ZNF407: variants seen among roughly 807,000 people sequenced by gnomAD.
ZNF407 encodes zinc finger protein 407.
Under a neutral mutation model 131.2 loss-of-function variants are expected in ZNF407, and 17 were observed. That is an observed-to-expected ratio of 0.13 (90% CI 0.09 to 0.19). The LOEUF is 0.19. Ranked by LOEUF, ZNF407 falls within the 10% of genes least tolerant of loss-of-function variation. The pLI is 1.00. For missense variants in ZNF407, 2,681 were observed against 2,830.6 expected (o/e 0.95, Z 1.20); for synonymous variants, 1,156 against 1,062.0 (o/e 1.09, Z -1.72).
chr18:74,849,769 T>C (rs992349781), intron 4 of ZNF407, among the ~76,000 whole-genome samples: 8 of 152,186 alleles, frequency 5.3e-5, no homozygotes, highest in African/African-American at 1.9e-4. Flanking sequence ...AGGAAATGAG[T>C]GCCAGCTTCA....
chr18:75,063,064 GC>G lies in ZNF407; in HGVS notation c.5429-84del. The G allele has an allele frequency of 7.8e-7, 1 of 1,274,652 alleles. No homozygotes were observed. The highest frequency in any genetic ancestry group is 1.1e-6 in the Non-Finnish European group (1 of 914,990). The allele number at this position is 1,274,652 out of a possible 1,614,324, so 79.0% of individuals were successfully genotyped here. A position where few individuals can be genotyped will look rare whatever the true frequency, so the allele number is the denominator to read the frequency against. Reference sequence around the variant, plus strand: ...AGGGGGTCGTGGTGACTCTGCTGAGGCCTGAGCGCTTCTGCAGAAGAAGTGT... The same window carrying G: ...AGGGGGTCGTGGTGACTCTGCTGAGGCTGAGCGCTTCTGCAGAAGAAGTGT... On this transcript the variant is annotated intron_variant, in intron 8 of 8. Transcript: ENST00000299687. This position sits in a 1 kb window ranked among gnomAD's most constrained non-coding sequence, Gnocchi z 6.6.
chr18:74,842,389 A>G (rs1970646146), intron 4 of ZNF407, among the ~76,000 whole-genome samples: 1 of 152,218 alleles, frequency 6.6e-6, no homozygotes, highest in African/African-American at 2.4e-5. Flanking sequence ...TTGCTTATAT[A>G]AAACAAAGTA....
chr18:74,968,226 T>C (rs1379852138), intron 8 of ZNF407, among the ~76,000 whole-genome samples: 4 of 152,232 alleles, frequency 2.6e-5, no homozygotes, highest in Non-Finnish European at 5.9e-5. Context: ...CCCAGTCTCA[T>C]ATTCACCACT....
intron 3 of ZNF407, among the ~76,000 whole-genome samples, chr18:74,754,300 T>G (rs886567906): frequency 6.6e-6 from 1 of 152,194 alleles, no homozygotes; most frequent in Non-Finnish European, 1.5e-5. Context: ...AAAAACCAGT[T>G]CCTGGATTCA....
chr18:75,020,219 A>G (rs1365612698), intron 8 of ZNF407, among the ~76,000 whole-genome samples: 4 of 152,046 alleles, frequency 2.6e-5, no homozygotes, highest in Admixed American at 6.6e-5. Flanking sequence ...TATCATAGGT[A>G]TGTGTATGTA....
intron 8 of ZNF407, among the ~76,000 whole-genome samples, chr18:75,001,842 C>G (rs1016767846): frequency 7.9e-5 from 12 of 152,198 alleles, no homozygotes; most frequent in Non-Finnish European, 1.3e-4. Flanking sequence ...GAGATTCTGT[C>G]CCCCGTGAAT....
chr18:74,686,069 A>G (rs1967090639), intron 3 of ZNF407, among the ~76,000 whole-genome samples: 2 of 152,220 alleles, frequency 1.3e-5, no homozygotes, highest in Admixed American at 1.3e-4. Context: ...ACATATAGGT[A>G]TGGCTTCCAT....
intron 3 of ZNF407, among the ~76,000 whole-genome samples, chr18:74,737,229 G>A (rs1310652270): frequency 1.3e-5 from 2 of 152,122 alleles, no homozygotes; most frequent in Non-Finnish European, 2.9e-5. Flanking sequence ...GTTTTGTTAA[G>A]CAAGATAATG....
intron 8 of ZNF407, among the ~76,000 whole-genome samples, chr18:74,976,548 G>A (rs1462245142): frequency 2.0e-5 from 3 of 152,118 alleles, no homozygotes; most frequent in Non-Finnish European, 4.4e-5. Flanking sequence ...AGAGCTTTTG[G>A]AACTAAATAA....
chr18:75,040,872 A>G (rs1411040443), intron 8 of ZNF407, among the ~76,000 whole-genome samples: 7 of 152,226 alleles, frequency 4.6e-5, no homozygotes, highest in East Asian at 1.9e-4. Context: ...GACAAAGCAC[A>G]TGGAGAACGG....
chr18:74,606,284 A>G (rs1293696855), intron 1 of ZNF407, among the ~76,000 whole-genome samples: 2 of 152,078 alleles, frequency 1.3e-5, no homozygotes, highest in Non-Finnish European at 2.9e-5. Flanking sequence ...GTTGAAGCTC[A>G]TCATGTGTGT....
At chr18:74,679,104 A>G (rs2144772600) in intron 3 of ZNF407, among the ~76,000 whole-genome samples, 1 of 152,334 alleles carries the variant, frequency 6.6e-6, no homozygotes, top group Admixed American at 6.5e-5. Flanking sequence ...TTTTATTGTC[A>G]GCTAAAAGAA....
chr18:74,984,702 A>G (rs960643280), intron 8 of ZNF407, among the ~76,000 whole-genome samples: 2 of 152,218 alleles, frequency 1.3e-5, no homozygotes, highest in Non-Finnish European at 2.9e-5. Context: ...ATTTAATGCT[A>G]TGTTTGGGCA....
intron 3 of ZNF407, among the ~76,000 whole-genome samples, chr18:74,780,427 T>C (rs911106624): frequency 6.6e-6 from 1 of 152,200 alleles, no homozygotes. Context: ...GTGTTTAATG[T>C]TGAGAATCTT....
At chr18:74,888,149 A>G (rs1046733691) in intron 6 of ZNF407, among the ~76,000 whole-genome samples, 2 of 152,200 alleles carry the variant, frequency 1.3e-5, no homozygotes, top group Non-Finnish European at 2.9e-5. Flanking sequence ...AAGAAATAAC[A>G]AGTAGAGTTA....
intron 8 of ZNF407, among the ~76,000 whole-genome samples, chr18:74,981,903 G>A (rs1338655615): frequency 6.6e-6 from 1 of 152,218 alleles, no homozygotes; most frequent in Non-Finnish European, 1.5e-5. Flanking sequence ...GAGGCTTGTA[G>A]GATTTAGTGG....
chr18:74,936,046 G>A (rs897942835), intron 8 of ZNF407, among the ~76,000 whole-genome samples: 21 of 152,158 alleles, frequency 1.4e-4, no homozygotes, highest in Admixed American at 1.0e-3. Context: ...ATATAATTCT[G>A]TGATGGCACT....
chr18:74,784,338 G>T (rs1568214299), intron 4 of ZNF407, among the ~76,000 whole-genome samples: 1 of 152,130 alleles, frequency 6.6e-6, no homozygotes. Context: ...AATTAATAAT[G>T]CATTTTGTTT....
intron 4 of ZNF407, among the ~76,000 whole-genome samples, chr18:74,837,348 A>G (rs1358718930): frequency 1.3e-5 from 2 of 152,204 alleles, no homozygotes; most frequent in Admixed American, 6.5e-5. Flanking sequence ...ATGGAACAAT[A>G]TAGAAAGAGT....
Sources: allele counts gnomAD v4.1 joint callset (sites outside exome capture counted in the v4.1 genomes callset), GRCh38; gene constraint gnomAD v4.1.1; non-coding constraint Gnocchi (gnomAD v3.1); transcripts MANE v1.5; gene names NCBI Gene and HGNC (gene_info 2026-07-23, HGNC 2026-07-21).